Variants in CMKLR2 observed in about 807,000 individuals in gnomAD.
CMKLR2 encodes the protein chemerin-like receptor 2.
In CMKLR2, 18 loss-of-function variants were observed where a neutral mutation model predicts 23.0. The observed-to-expected ratio is 0.78, with a 90% CI of 0.54 to 1.16. The LOEUF is 1.16. CMKLR2 is among the 50% of genes most tolerant of loss of function. The pLI is 0.00. For synonymous variants in CMKLR2, 158 were observed against 158.9 expected (o/e 0.99, Z 0.05); for missense variants, 401 against 412.7 (o/e 0.97, Z 0.25).
At chr2:206,191,491 T>TA (rs572423750) in intron 1 of CMKLR2, among the ~76,000 whole-genome samples, 2 of 151,788 alleles carry the variant, frequency 1.3e-5, no homozygotes, top group African/African-American at 2.4e-5. Flanking sequence ...TGGACTTTGT[T>TA]AAAAAAAATA....
chr2:206,212,909 A>C (rs1459368418), intron 1 of CMKLR2, among the ~76,000 whole-genome samples: 1 of 152,170 alleles, frequency 6.6e-6, no homozygotes, highest in Non-Finnish European at 1.5e-5. Flanking sequence ...CTAGTTTCTC[A>C]ACAGTGAGCC....
intron 1 of CMKLR2, among the ~76,000 whole-genome samples, chr2:206,193,892 G>A (rs1688833060): frequency 6.6e-6 from 1 of 152,118 alleles, no homozygotes. Context: ...TCATTATTTG[G>A]CACTGAAGAT....
chr2:206,198,306 T>G (rs1266890481), intron 1 of CMKLR2, among the ~76,000 whole-genome samples: 1 of 152,172 alleles, frequency 6.6e-6, no homozygotes, highest in African/African-American at 2.4e-5. Context: ...CACTGGAACT[T>G]AGGAGAGATG....
chr2:206,178,208 C>T (rs1372966358), intron 1 of CMKLR2, among the ~76,000 whole-genome samples: 1 of 152,096 alleles, frequency 6.6e-6, no homozygotes, highest in East Asian at 1.9e-4. Flanking sequence ...GAGGCTGCAG[C>T]GAGCTATGAT....
chr2:206,187,266 C>A (rs774278459), intron 1 of CMKLR2, among the ~76,000 whole-genome samples: 1 of 151,962 alleles, frequency 6.6e-6, no homozygotes, highest in Non-Finnish European at 1.5e-5. Flanking sequence ...AGTCTGGCAA[C>A]AGAATGAGAC....
chr2:206,189,501 T>C (rs4673345), intron 1 of CMKLR2, among the ~76,000 whole-genome samples: 1 of 151,792 alleles, frequency 6.6e-6, no homozygotes, highest in South Asian at 2.1e-4. Flanking sequence ...TGGGTGTGGT[T>C]GTGCGTGCCT....
intron 1 of CMKLR2, among the ~76,000 whole-genome samples, chr2:206,195,210 A>G (rs1688881814): frequency 6.6e-6 from 1 of 152,182 alleles, no homozygotes; most frequent in Non-Finnish European, 1.5e-5. Context: ...AGTGCAAAAG[A>G]AAGAACTCTG....
At chr2:206,206,499 C>T (rs1220642332) in intron 1 of CMKLR2, among the ~76,000 whole-genome samples, 4 of 152,178 alleles carry the variant, frequency 2.6e-5, no homozygotes, top group African/African-American at 7.2e-5. Flanking sequence ...GAGAAAATCG[C>T]GAGCTCTTCT....
At chr2:206,206,916 C>CCTT (rs1204853386) in intron 1 of CMKLR2, among the ~76,000 whole-genome samples, 20 of 30,672 alleles carry the variant, frequency 6.5e-4, no homozygotes, top group East Asian at 6.0e-3. Flanking sequence ...TCCCCCTGCC[C>CCTT]CTTTTTTTTT....
chr2:206,207,916 A>AT (rs1238499139), intron 1 of CMKLR2, among the ~76,000 whole-genome samples: 1 of 151,034 alleles, frequency 6.6e-6, no homozygotes, highest in Non-Finnish European at 1.5e-5. Context: ...CTAATTTTGT[A>AT]TTTTTAGTAG....
At chr2:206,208,970 CT>C (rs1471063529) in intron 1 of CMKLR2, among the ~76,000 whole-genome samples, 1 of 152,174 alleles carries the variant, frequency 6.6e-6, no homozygotes, top group Admixed American at 6.5e-5. Context: ...TAGGCCCAGC[CT>C]TCTATTTTTA....
chr2:206,199,582 T>C (rs1019003376), intron 1 of CMKLR2, among the ~76,000 whole-genome samples: 4 of 151,730 alleles, frequency 2.6e-5, no homozygotes, highest in African/African-American at 9.7e-5. Context: ...TAGCCTATTT[T>C]GTATTACGGC....
intron 1 of CMKLR2, among the ~76,000 whole-genome samples, chr2:206,178,155 C>G (rs1453400702): frequency 6.6e-6 from 1 of 152,096 alleles, no homozygotes; most frequent in African/African-American, 2.4e-5. Context: ...GTCCCAACTA[C>G]TCAGGAGGCC....
At chr2:206,209,253 G>A (rs1000887949) in intron 1 of CMKLR2, among the ~76,000 whole-genome samples, 3 of 151,694 alleles carry the variant, frequency 2.0e-5, no homozygotes, top group Admixed American at 2.0e-4. Context: ...TGTGAGAATC[G>A]CTTGAACCTA....
At chr2:206,179,147 C>A (rs909795530) in intron 1 of CMKLR2, among the ~76,000 whole-genome samples, 4 of 127,524 alleles carry the variant, frequency 3.1e-5, no homozygotes, top group African/African-American at 1.1e-4. Context: ...GTGATCTTGG[C>A]TCACCTCAAC....
At chr2:206,196,426 G>A (rs941836478) in intron 1 of CMKLR2, among the ~76,000 whole-genome samples, 5 of 145,938 alleles carry the variant, frequency 3.4e-5, no homozygotes, top group Non-Finnish European at 6.1e-5. Flanking sequence ...TTTAAACCAG[G>A]AGAGAGCGAT....
Position 206,189,802 on chromosome 2 carries a change from A to G in CMKLR2, c.-28-12527T>C, listed in dbSNP as rs865937851. On this transcript the variant is annotated intron_variant, in intron 1 of 1. Coordinates refer to ENST00000621141, the MANE Select transcript of CMKLR2 (RefSeq NM_001389445.1). ...GGAAGAAAGATTTTTTGAAACATGTATATGTGTGTGTTGCCCCAGGGGGTG... is the reference window on the plus strand; with the variant it reads ...GGAAGAAAGATTTTTTGAAACATGTGTATGTGTGTGTTGCCCCAGGGGGTG... Among the ~76,000 whole-genome samples the G allele has an allele frequency of 2.0e-5, 3 of 152,080 alleles. No homozygotes were observed. In the East Asian group the frequency reaches 5.8e-4, roughly 29 times the overall value.
At chr2:206,195,514 C>A (rs1688892124) in intron 1 of CMKLR2, among the ~76,000 whole-genome samples, 1 of 152,102 alleles carries the variant, frequency 6.6e-6, no homozygotes, top group Non-Finnish European at 1.5e-5. Context: ...TGGGGATACT[C>A]CAGAAGGCAC....
At chr2:206,193,035 C>G (rs886828762) in intron 1 of CMKLR2, among the ~76,000 whole-genome samples, 43 of 152,174 alleles carry the variant, frequency 2.8e-4, no homozygotes, top group African/African-American at 1.0e-3. Flanking sequence ...AGTACAAATA[C>G]AGCCATTGAT....
Sources: allele counts gnomAD v4.1 joint callset (sites outside exome capture counted in the v4.1 genomes callset), GRCh38; gene constraint gnomAD v4.1.1; transcripts MANE v1.5; gene names NCBI Gene and HGNC (gene_info 2026-07-23, HGNC 2026-07-21).